The following FBXL7 variants were observed in gnomAD, a reference collection of about 807,000 sequenced individuals.
FBXL7 encodes F-box and leucine rich repeat protein 7.
FBXL7 carries 12 observed loss-of-function variants against 38.3 expected under a neutral mutation model. The observed-to-expected ratio is 0.31, with a 90% CI of 0.20 to 0.51. The LOEUF is 0.51. FBXL7 is among the 20% of genes least tolerant of loss of function. The pLI, the probability that FBXL7 is intolerant of heterozygous loss-of-function variation, is 0.98. For missense variants in FBXL7, 567 were observed against 676.4 expected (o/e 0.84, Z 1.79); for synonymous variants, 297 against 300.9 (o/e 0.99, Z 0.13).
intron 2 of FBXL7, among the ~76,000 whole-genome samples, chr5:15,635,365 G>C (rs1367459021): frequency 1.3e-5 from 2 of 152,274 alleles, no homozygotes; most frequent in East Asian, 3.9e-4. Context: ...CAGGGCTCCA[G>C]AAAGAGTCTT....
At chr5:15,904,662 C>T (rs929987882) in intron 2 of FBXL7, among the ~76,000 whole-genome samples, 1 of 151,930 alleles carries the variant, frequency 6.6e-6, no homozygotes, top group South Asian at 2.1e-4. Context: ...TCAAGATGTT[C>T]CTAAATTTTT....
intron 2 of FBXL7, among the ~76,000 whole-genome samples, chr5:15,859,642 C>A (rs1255572355): frequency 6.6e-6 from 1 of 152,074 alleles, no homozygotes; most frequent in East Asian, 1.9e-4. Flanking sequence ...ACAATCAGAT[C>A]TCATTAGTCT....
intron 2 of FBXL7, among the ~76,000 whole-genome samples, chr5:15,723,301 T>A (rs1221886304): frequency 3.3e-5 from 5 of 152,200 alleles, no homozygotes; most frequent in African/African-American, 4.8e-5. Context: ...TTCAATGAGA[T>A]AATAACTTTT....
chr5:15,598,902 A>C (rs1204451593), intron 1 of FBXL7, among the ~76,000 whole-genome samples: 1 of 152,144 alleles, frequency 6.6e-6, no homozygotes, highest in Non-Finnish European at 1.5e-5. Context: ...CAGCAACACA[A>C]AGTTAGGGAT....
chr5:15,639,865 A>G (rs893689265), intron 2 of FBXL7, among the ~76,000 whole-genome samples: 1 of 152,084 alleles, frequency 6.6e-6, no homozygotes, highest in Middle Eastern at 3.2e-3. Context: ...AACACAGACA[A>G]TGCTGGGTTG....
chr5:15,934,909 A>G (rs559919067), intron 3 of FBXL7, among the ~76,000 whole-genome samples: 1 of 152,364 alleles, frequency 6.6e-6, no homozygotes, highest in Admixed American at 6.5e-5. Context: ...CAGCAAATAA[A>G]TAAGTGAATA....
intron 1 of FBXL7, among the ~76,000 whole-genome samples, chr5:15,614,256 TTTC>T (rs1740362881): frequency 1.8e-5 from 2 of 112,404 alleles, no homozygotes; most frequent in Admixed American, 1.9e-4. Context: ...CTTGCGTTCT[TTTC>T]TTTTCTTTTC....
At chr5:15,523,558 CAA>C (rs756116546) in intron 1 of FBXL7, among the ~76,000 whole-genome samples, 5 of 130,202 alleles carry the variant, frequency 3.8e-5, no homozygotes, top group Non-Finnish European at 5.0e-5. Flanking sequence ...GACTCTGTCT[CAA>C]AAAAAAAAAA....
At chr5:15,840,363 A>AGGAGGGAGGGG (rs370226612) in intron 2 of FBXL7, among the ~76,000 whole-genome samples, 1 of 152,026 alleles carries the variant, frequency 6.6e-6, no homozygotes, top group Non-Finnish European at 1.5e-5. Context: ...CCTCCTCCTC[A>AGGAGGGAGGGG]TTCTTTTCCA....
At chr5:15,577,902 AC>A (rs1182201064) in intron 1 of FBXL7, among the ~76,000 whole-genome samples, 1 of 152,052 alleles carries the variant, frequency 6.6e-6, no homozygotes, top group East Asian at 1.9e-4. Context: ...CTGTAATTAT[AC>A]CCTTGTTATC....
At chr5:15,876,615 A>AC (rs1273376223) in intron 2 of FBXL7, among the ~76,000 whole-genome samples, 1 of 152,228 alleles carries the variant, frequency 6.6e-6, no homozygotes, top group Non-Finnish European at 1.5e-5. Flanking sequence ...CAGTTACTGC[A>AC]CATGGACATC....
intron 2 of FBXL7, among the ~76,000 whole-genome samples, chr5:15,753,730 T>G (rs755356523): frequency 1.3e-5 from 2 of 152,240 alleles, no homozygotes; most frequent in South Asian, 2.1e-4. Context: ...TTAGAAGACT[T>G]AGCTGTCTGC....
intron 1 of FBXL7, among the ~76,000 whole-genome samples, chr5:15,533,171 A>G (rs1046369823): frequency 6.6e-6 from 1 of 152,218 alleles, no homozygotes; most frequent in Non-Finnish European, 1.5e-5. Flanking sequence ...ACTAGATTAC[A>G]TGACATTGGC....
intron 2 of FBXL7, among the ~76,000 whole-genome samples, chr5:15,745,122 G>A (rs1419834285): frequency 1.3e-5 from 2 of 151,948 alleles, no homozygotes; most frequent in Non-Finnish European, 2.9e-5. Flanking sequence ...GATGAGTTTT[G>A]AATTAATGCA....
Position 15,903,635 on chromosome 5 carries a change from C to T in FBXL7, c.128-24255C>T, listed in dbSNP as rs967672116. 7.9e-5 allele frequency among the ~76,000 whole-genome samples: 12 copies of T among 152,116 alleles called. No individual in the cohort carries two copies. The Middle Eastern group carries it at 0.01, about 129-fold the overall frequency. ...ACTTAATGTTTCTTTCTCTTCTCACCCAACTCAAATTGTGATGGCTCTGCT... is the reference window on the plus strand; with the variant it reads ...ACTTAATGTTTCTTTCTCTTCTCACTCAACTCAAATTGTGATGGCTCTGCT... On this transcript the variant is annotated intron_variant, in intron 2 of 3. Coordinates refer to ENST00000504595, the MANE Select transcript of FBXL7 (RefSeq NM_012304.5).
At chr5:15,848,377 A>T (rs1476652992) in intron 2 of FBXL7, among the ~76,000 whole-genome samples, 1 of 151,808 alleles carries the variant, frequency 6.6e-6, no homozygotes, top group African/African-American at 2.4e-5. Context: ...ATATGCATGC[A>T]TGCATTTTGT....
rs1166799913 is a variant in FBXL7 at position 15,500,570 on chromosome 5, T to C, written c.-107T>C. On this transcript the variant is annotated 5_prime_UTR_variant, in exon 1 of 4. The change abolishes an upstream ATG in the 5' untranslated region. Coordinates refer to ENST00000504595, the MANE Select transcript of FBXL7 (RefSeq NM_012304.5). ...GGTCGGCCCCGGAGCTTGGGGGGGA[T>C]GTGCAGCTAACGGTCCCGTCGGGCG... The C allele has an allele frequency of 6.8e-7, 1 of 1,475,918 alleles. No individual in the cohort carries two copies. The highest frequency in any genetic ancestry group is 9.5e-7 in the Non-Finnish European group (1 of 1,054,726). The allele number at this position is 1,475,918 out of a possible 1,614,324, so 91.4% of individuals were successfully genotyped here.
intron 2 of FBXL7, among the ~76,000 whole-genome samples, chr5:15,722,072 A>T (rs1364374409): frequency 6.6e-6 from 1 of 152,126 alleles, no homozygotes; most frequent in Non-Finnish European, 1.5e-5. Context: ...TGACCTTATG[A>T]TCTGCCCGCC....
chr5:15,666,115 C>G (rs1742266293), intron 2 of FBXL7, among the ~76,000 whole-genome samples: 1 of 152,088 alleles, frequency 6.6e-6, no homozygotes, highest in Non-Finnish European at 1.5e-5. Flanking sequence ...AAAATAGCTC[C>G]TCCTAAAGTT....
Sources: allele counts gnomAD v4.1 joint callset (sites outside exome capture counted in the v4.1 genomes callset), GRCh38; gene constraint gnomAD v4.1.1; transcripts MANE v1.5; gene names NCBI Gene and HGNC (gene_info 2026-07-23, HGNC 2026-07-21).